The following RABL6 variants were observed in gnomAD, a reference collection of about 807,000 sequenced individuals.
The protein encoded by RABL6 is RAB, member RAS oncogene family like 6, also known as rab-like protein 6.
RABL6 carries 28 observed loss-of-function variants against 72.9 expected under a neutral mutation model. The observed-to-expected ratio is 0.38, with a 90% CI of 0.28 to 0.53. RABL6 has a LOEUF of 0.53. Ranked by LOEUF, RABL6 falls within the 20% of genes least tolerant of loss-of-function variation. The pLI, the probability that RABL6 is intolerant of heterozygous loss-of-function variation, is 0.80. For synonymous variants in RABL6, 477 were observed against 421.2 expected, an observed-to-expected ratio of 1.13 and a Z score of -1.62; for missense variants, 1,029 against 1,008.4, an observed-to-expected ratio of 1.02 and a Z score of -0.28.
chr9:136,841,058 G>A lies in RABL6; in HGVS notation c.*536G>A, dbSNP rs763780177. ...GAAGGCAGCATGTGAGGCCTCTCCT[G>A]GGAGTGGGGGTTGTGTTTCCCACAG... is the stretch of plus-strand genomic sequence containing the variant. On this transcript the variant is annotated 3_prime_UTR_variant, in exon 15 of 15. Transcript: ENST00000311502. The A allele has an allele frequency of 4.3e-4, 615 of 1,418,992 alleles. 1 individual carries two copies. Among genetic ancestry groups the A allele is most frequent in the Middle Eastern group, 1.3e-3 (5 of 3,846 alleles). 87.9% of individuals were successfully genotyped at this position (1,418,992 alleles called of 1,614,324 possible). A position where few individuals can be genotyped will look rare whatever the true frequency, so the allele number is the denominator to read the frequency against.
At position 136,808,195 on chromosome 9, in the gene RABL6, A is replaced by G. The variant is rs1847909536; in HGVS notation, c.-2A>G. 2.6e-6 allele frequency: 4 copies of G among 1,522,982 alleles called. No homozygotes were observed. Among genetic ancestry groups the G allele is most frequent in the Non-Finnish European group, 3.5e-6 (4 of 1,136,024 alleles). The allele number at this position is 1,522,982 out of a possible 1,614,324, so 94.3% of individuals were successfully genotyped here. Reference sequence around the variant, plus strand: ...CCCGGGCTGGGACGTCCGAGCGGGAAGATGTTTTCCGCCCTGAAGAAGCTG... The same window carrying G: ...CCCGGGCTGGGACGTCCGAGCGGGAGGATGTTTTCCGCCCTGAAGAAGCTG... On this transcript the variant is annotated 5_prime_UTR_variant, in exon 1 of 15. Transcript: ENST00000311502.
At chr9:136,819,215 G>A (rs1220717964) in intron 1 of RABL6, among the ~76,000 whole-genome samples, 9 of 151,868 alleles carry the variant, frequency 5.9e-5, no homozygotes, top group South Asian at 2.1e-4. Context: ...CCAGCTACTC[G>A]GGAGGCTGAG....
rs777906317 is a variant in RABL6, at chr9:136,837,964, C to A, written c.1229C>A (p.Ala410Asp). 4 of 1,568,596 alleles carry A rather than the reference C, an allele frequency of 2.6e-6. No individual in the cohort carries two copies. In the South Asian group the frequency reaches 4.7e-5, roughly 18 times the overall value. ...AGCTTCCTGGAAGACACAACCCCCGCCAGGGACGAGAAGAAGGTGGGGGCC... is the reference window on the plus strand; with the variant it reads ...AGCTTCCTGGAAGACACAACCCCCGACAGGGACGAGAAGAAGGTGGGGGCC... ...DRSFLEDTTP[A>D]RDEKKVGAKA... Residue 410 changes from alanine (A) to aspartate (D), a missense_variant, in exon 10 of 15, where the codon GCC becomes GAC. Physicochemically the swap from Ala to Asp is moderately radical, Grantham distance 126 (BLOSUM62 -2). Coordinates refer to ENST00000311502, the MANE Select transcript of RABL6 (RefSeq NM_024718.5).
chr9:136,819,733 G>T (rs752802557), intron 1 of RABL6, among the ~76,000 whole-genome samples: 1 of 152,160 alleles, frequency 6.6e-6, no homozygotes, highest in Non-Finnish European at 1.5e-5. Context: ...CTCAGAGAAA[G>T]TCTCTGGACC....
chr9:136,808,521 C>CG, intron 1 of RABL6, 195 bp downstream of exon 1: 12 of 421,630 alleles, frequency 2.8e-5, no homozygotes, highest in Non-Finnish European at 4.4e-5. Context: ...CGGGTCCTCG[C>CG]GGCCCCCGAG....
intron 13 of RABL6, 128 bp downstream of exon 13, chr9:136,839,993 C>T: frequency 1.4e-6 from 2 of 1,464,098 alleles, no homozygotes; most frequent in South Asian, 1.2e-5. Context: ...CTCCTGGCAG[C>T]CCCCTGCAGG....
chr9:136,833,548 G>T, intron 7 of RABL6: 1 of 888,666 alleles, frequency 1.1e-6, no homozygotes, highest in Non-Finnish European at 1.7e-6. Flanking sequence ...TGGGGGACCT[G>T]AATCTCCTCA....
intron 7 of RABL6, chr9:136,833,517 C>T: frequency 2.9e-6 from 2 of 686,894 alleles, no homozygotes; most frequent in African/African-American, 1.8e-5. Flanking sequence ...CCTCCTCGCC[C>T]TGGGCTGCCC....
At chr9:136,834,358 T>C in intron 7 of RABL6, 1 of 997,346 alleles carries the variant, frequency 1.0e-6, no homozygotes, top group Non-Finnish European at 1.2e-6. Context: ...TCGTCAGATA[T>C]TTGGTCAGTA....
chr9:136,824,127 G>C (rs1240131457), intron 2 of RABL6, among the ~76,000 whole-genome samples: 2 of 152,056 alleles, frequency 1.3e-5, no homozygotes, highest in Non-Finnish European at 2.9e-5. Context: ...TGGTGGGATA[G>C]ACCCCTCCCC....
rs1436485965 is a variant in RABL6 at position 136,840,879 on chromosome 9, G to C, written c.*357G>C. On this transcript the variant is annotated 3_prime_UTR_variant, in exon 15 of 15. Transcript: ENST00000311502. Reference sequence around the variant, plus strand: ...GCTGGGCAGGGGCCGCTTGGCTGTGGGGTGTGCGCTGCCCCGGCACCTGCT... The same window carrying C: ...GCTGGGCAGGGGCCGCTTGGCTGTGCGGTGTGCGCTGCCCCGGCACCTGCT... The C allele has an allele frequency of 2.3e-5, 35 of 1,525,222 alleles. No individual in the cohort carries two copies. The highest frequency in any genetic ancestry group is 3.1e-5 in the Non-Finnish European group (35 of 1,132,250). The allele number at this position is 1,525,222 out of a possible 1,614,324, so 94.5% of individuals were successfully genotyped here.
Position 136,835,845 on chromosome 9 carries a change from T to A in RABL6, c.809T>A (p.Ile270Asn). The change falls in exon 8 of 15, where the codon ATC becomes AAC. Residue 270 changes from isoleucine to asparagine, a missense_variant and splice_region_variant. This residue lies in a region of RABL6 where 434 missense variants were observed against 536.1 expected (regional missense o/e 0.81). Transcript: ENST00000311502. ...GAGACGGAGGACCAGAACTACGGCA[T>A]GTATGTGGCCGGACCCGCCCGTGCG... ...QQETEDQNYG[I>N]FLEMMEARSR... is the part of the protein sequence containing the mutation. The A allele has an allele frequency of 6.4e-7, 1 of 1,552,382 alleles. No homozygotes were observed. The highest frequency in any genetic ancestry group is 8.7e-7 in the Non-Finnish European group (1 of 1,149,022).
At chr9:136,822,964 T>A (rs1848273277) in intron 1 of RABL6, among the ~76,000 whole-genome samples, 2 of 151,908 alleles carry the variant, frequency 1.3e-5, no homozygotes, top group Non-Finnish European at 2.9e-5. Flanking sequence ...GGCGGGCGCC[T>A]GTAGTCCCAG....
At position 136,829,500 on chromosome 9, in the gene RABL6, C is replaced by T. The variant is rs750555655; in HGVS notation, c.458+16C>T. The T allele has an allele frequency of 3.6e-5, 56 of 1,561,648 alleles. No individual in the cohort carries two copies. Among genetic ancestry groups the T allele is most frequent in the East Asian group, 4.8e-5 (2 of 41,986 alleles). On this transcript the variant is annotated intron_variant, in intron 5 of 14. Transcript: ENST00000311502. ...CCAAGCAGTGGTAAGAGGGAGCTGG[C>T]GGGGGCAGCTGCCTGTGACTCTCAC...
chr9:136,824,400 G>A (rs1459666782), intron 2 of RABL6, among the ~76,000 whole-genome samples: 1 of 141,754 alleles, frequency 7.1e-6, no homozygotes, highest in African/African-American at 2.7e-5. Flanking sequence ...GTGAGATCTC[G>A]GCTCACTGGA....
At position 136,840,940 on chromosome 9, in the gene RABL6, A is replaced by G. The variant is rs1377629352; in HGVS notation, c.*418A>G. ...GCTCATCTGGGGCCGCAGCATGCCT[A>G]TGGTTCCGCTTCCGGCCGGGAGCCC... On this transcript the variant is annotated 3_prime_UTR_variant, in exon 15 of 15. Transcript: ENST00000311502. 19 of 1,465,728 alleles carry G rather than the reference A, an allele frequency of 1.3e-5. No individual in the cohort carries two copies. Among genetic ancestry groups the G allele is most frequent in the Middle Eastern group, 2.4e-4 (1 of 4,184 alleles). 90.8% of individuals were successfully genotyped at this position (1,465,728 alleles called of 1,614,324 possible).
intron 2 of RABL6, among the ~76,000 whole-genome samples, chr9:136,825,036 G>A (rs1278808480): frequency 6.6e-6 from 1 of 152,204 alleles, no homozygotes; most frequent in Non-Finnish European, 1.5e-5. Context: ...TGGGCGGGAG[G>A]CTCCATCCAT....
chr9:136,808,924 C>T (rs1186364331), intron 1 of RABL6: 1 of 152,174 alleles, frequency 6.6e-6, no homozygotes, highest in East Asian at 1.9e-4. Context: ...TAGGAGACAT[C>T]CCATTTCTCG....
At chr9:136,840,258 C>T (rs370321614) in intron 14 of RABL6, 46 bp downstream of exon 14, 27 of 1,612,106 alleles carry the variant, frequency 1.7e-5, no homozygotes, top group African/African-American at 1.2e-4. Context: ...GGGTGGCATG[C>T]GGTCCTGGGA....
Sources: gnomAD v4.1 joint callset for allele counts (sites outside exome capture counted in the v4.1 genomes callset) on GRCh38, gnomAD v4.1.1 for gene constraint, gnomAD v4.1.1 regional missense constraint, MANE v1.5 for transcripts, NCBI Gene and HGNC (gene_info 2026-07-23, HGNC 2026-07-21) for gene names.